EYS: variants seen among roughly 807,000 people sequenced by gnomAD.
EYS encodes the protein protein eyes shut homolog.
A neutral mutation model predicts 282.1 loss-of-function variants in EYS; 250 were observed. The observed-to-expected ratio is 0.89, with a 90% confidence interval of 0.80 to 0.98. EYS has a LOEUF of 0.98. EYS is among the 50% of genes least tolerant of loss of function. The pLI is 0.00. For synonymous variants in EYS, 1,355 were observed against 1,282.9 expected, an observed-to-expected ratio of 1.06 and a Z score of -1.20; for missense variants, 4,016 against 3,709.0, an observed-to-expected ratio of 1.08 and a Z score of -2.15.
intron 36 of EYS, chr6:63,821,890 A>G (rs1771334572): frequency 6.6e-6 from 1 of 152,220 alleles, no homozygotes. Flanking sequence ...TCCACAAGAC[A>G]AGGATGGATG....
chr6:65,503,939 T>C (rs1302936643), intron 2 of EYS, among the ~76,000 whole-genome samples: 1 of 151,660 alleles, frequency 6.6e-6, no homozygotes, highest in East Asian at 1.9e-4. Context: ...TTATTCTAGT[T>C]TTTTGCCTTA....
chr6:65,175,500 G>A (rs562879124), intron 12 of EYS, among the ~76,000 whole-genome samples: 1 of 151,190 alleles, frequency 6.6e-6, no homozygotes, highest in Admixed American at 6.6e-5. Context: ...TGGAATAAGT[G>A]GTGCTCTCAA....
chr6:64,785,399 C>A (rs553451041), intron 22 of EYS, among the ~76,000 whole-genome samples: 1 of 152,234 alleles, frequency 6.6e-6, no homozygotes, highest in South Asian at 2.1e-4. Flanking sequence ...AAAACTGTTT[C>A]ATTTCTTTGA....
At chr6:63,831,971 G>A (rs903369655) in intron 36 of EYS, among the ~76,000 whole-genome samples, 5 of 152,074 alleles carry the variant, frequency 3.3e-5, no homozygotes, top group African/African-American at 9.7e-5. Context: ...TGACTACTGG[G>A]TACATAACGA....
intron 40 of EYS, among the ~76,000 whole-genome samples, chr6:63,765,073 G>A (rs910467022): frequency 1.3e-5 from 2 of 152,018 alleles, no homozygotes; most frequent in African/African-American, 2.4e-5. Context: ...GTAGAAGTAT[G>A]TGTGTGAGGT....
intron 11 of EYS, among the ~76,000 whole-genome samples, chr6:65,297,393 G>A (rs759913349): frequency 1.7e-4 from 26 of 151,874 alleles, no homozygotes; most frequent in Middle Eastern, 3.4e-3. Flanking sequence ...GACGGTAAGC[G>A]TTTGGAGCCA....
chr6:65,306,697 G>A (rs1358450578), intron 11 of EYS, among the ~76,000 whole-genome samples: 6 of 146,568 alleles, frequency 4.1e-5, no homozygotes, highest in East Asian at 2.0e-4. Context: ...GCCAGGCGTG[G>A]TGGTGGGTGC....
intron 15 of EYS, among the ~76,000 whole-genome samples, chr6:64,932,279 C>T (rs554203616): frequency 1.3e-5 from 2 of 152,138 alleles, no homozygotes; most frequent in African/African-American, 4.8e-5. Flanking sequence ...TCAAAAGACC[C>T]TTCCCAAGGA....
At chr6:65,437,258 G>T (rs2150388994) in intron 5 of EYS, among the ~76,000 whole-genome samples, 1 of 152,192 alleles carries the variant, frequency 6.6e-6, no homozygotes, top group Admixed American at 6.5e-5. Context: ...GGTGTGCTCA[G>T]TGTCAAAAAT....
At position 64,121,201 on chromosome 6, in the gene EYS, G is replaced by A. The variant is rs146661169; in HGVS notation, c.6425-39199C>T. 5.0e-3 allele frequency among the ~76,000 whole-genome samples: 754 copies of A among 152,206 alleles called. 5 individuals carry two copies. The highest frequency in any genetic ancestry group is 0.017 in the African/African-American group (706 of 41,524). ...CTGATGAAAATTAGCATAATCATGC[G>A]GATGAGCAGGCCATGATCTTTTGCC... On this transcript the variant is annotated intron_variant, in intron 31 of 42. Coordinates refer to ENST00000503581, the MANE Select transcript of EYS (RefSeq NM_001142800.2).
chr6:65,412,117 T>C (rs1767043309), intron 5 of EYS, among the ~76,000 whole-genome samples: 1 of 152,078 alleles, frequency 6.6e-6, no homozygotes, highest in Non-Finnish European at 1.5e-5. Flanking sequence ...CTCTTTACCA[T>C]GTGAGGATAC....
intron 35 of EYS, among the ~76,000 whole-genome samples, chr6:63,943,319 C>G (rs938204347): frequency 2.0e-5 from 3 of 152,138 alleles, no homozygotes; most frequent in Non-Finnish European, 4.4e-5. Flanking sequence ...ATGGTCTTAT[C>G]CATACATTTG....
intron 26 of EYS, among the ~76,000 whole-genome samples, chr6:64,579,898 G>A (rs371377990): frequency 2.5e-4 from 38 of 152,198 alleles, no homozygotes; most frequent in African/African-American, 9.1e-4. Context: ...CTGGAGTCTT[G>A]TGGTATCAAA....
Position 64,590,425 on chromosome 6 carries a change from C to T in EYS, c.5442G>A (p.Arg1814=). 6.4e-7 allele frequency: 1 copy of T among 1,551,280 alleles called. No individual in the cohort carries two copies. Among genetic ancestry groups the T allele is most frequent in the Non-Finnish European group, 8.7e-7 (1 of 1,146,728 alleles). The change falls in exon 26 of 43, where the codon AGG becomes AGA. Residue 1814 remains arginine, a synonymous_variant. Transcript: ENST00000503581. ...AATCTGTAAAATATGGCCAATCTGGCCTAATTACAGACATGGAGGAAGACG... is the reference window on the plus strand; with the variant it reads ...AATCTGTAAAATATGGCCAATCTGGTCTAATTACAGACATGGAGGAAGACG... ...IQTSSSMSVI[R]PDWPYFTDYM... is the part of the protein sequence containing the mutation.
intron 22 of EYS, among the ~76,000 whole-genome samples, chr6:64,712,952 G>T (rs553038257): frequency 5.9e-5 from 9 of 152,198 alleles, no homozygotes; most frequent in African/African-American, 2.2e-4. Flanking sequence ...ACAACTATTA[G>T]AAGAATGCAT....
At chr6:65,371,741 C>CTCTCTCTCTCTCTCTCTG (rs1335075948) in intron 8 of EYS, among the ~76,000 whole-genome samples, 3 of 70,244 alleles carry the variant, frequency 4.3e-5, no homozygotes, top group Admixed American at 1.7e-4. Flanking sequence ...CTCTCTCTCT[C>CTCTCTCTCTCTCTCTCTG]TGTGTGTGTG....
chr6:65,699,432 C>CA (rs138706833), intron 1 of EYS, among the ~76,000 whole-genome samples: 7,708 of 145,034 alleles, frequency 0.053, 438 homozygotes, highest in East Asian at 0.33. Context: ...AATTACAAAA[C>CA]AAAAAAAAAA....
At chr6:64,951,470 G>A (rs763457281) in intron 14 of EYS, among the ~76,000 whole-genome samples, 1 of 151,938 alleles carries the variant, frequency 6.6e-6, no homozygotes, top group African/African-American at 2.4e-5. Flanking sequence ...TGAAACAAAT[G>A]TCTGCCATTC....
intron 2 of EYS, among the ~76,000 whole-genome samples, chr6:65,514,715 G>C (rs1767050947): frequency 6.6e-6 from 1 of 152,186 alleles, no homozygotes; most frequent in Non-Finnish European, 1.5e-5. Flanking sequence ...AATAAATGGT[G>C]CTGGGAAAAC....
Sources: gnomAD v4.1 joint callset for allele counts (sites outside exome capture counted in the v4.1 genomes callset) on GRCh38, gnomAD v4.1.1 for gene constraint, MANE v1.5 for transcripts, NCBI Gene and HGNC (gene_info 2026-07-23, HGNC 2026-07-21) for gene names.